SAFB: variants seen among roughly 807,000 people sequenced by gnomAD.
The protein encoded by SAFB is scaffold attachment factor B.
Under a neutral mutation model 101.6 loss-of-function variants are expected in SAFB, and 15 were observed. That is an observed-to-expected ratio of 0.15 (90% confidence interval 0.10 to 0.23). The LOEUF is 0.23. SAFB is among the 10% of genes least tolerant of loss of function. SAFB has a pLI of 1.00. For synonymous variants in SAFB, 449 were observed against 407.5 expected (o/e 1.10, Z -1.23); for missense variants, 930 against 1,104.1 (o/e 0.84, Z 2.23).
chr19:5,653,858 A>G (rs2053994683), intron 11 of SAFB, among the ~76,000 whole-genome samples: 1 of 151,354 alleles, frequency 6.6e-6, no homozygotes, highest in Non-Finnish European at 1.5e-5. Context: ...CCCTGGCTCA[A>G]CCAATTCTCA....
At chr19:5,660,310 C>CT (rs578193077) in intron 14 of SAFB, among the ~76,000 whole-genome samples, 3,681 of 66,422 alleles carry the variant, frequency 0.055, 71 homozygotes, top group East Asian at 0.077. Flanking sequence ...CACTGAGGTG[C>CT]TTTTTTTTTT....
chr19:5,627,871 T>C (rs1277975840), intron 2 of SAFB, among the ~76,000 whole-genome samples: 1 of 152,210 alleles, frequency 6.6e-6, no homozygotes, highest in Non-Finnish European at 1.5e-5. Flanking sequence ...CAAGAGCAGA[T>C]TGATGAGGAC....
At chr19:5,650,876 C>A in intron 8 of SAFB, 102 bp from the exon 9 acceptor site, 3 of 765,282 alleles carry the variant, frequency 3.9e-6, no homozygotes, top group Non-Finnish European at 4.4e-6. Context: ...GCTGCCACTG[C>A]CTCAGGAAAA....
chr19:5,644,288 C>T (rs548429301), intron 4 of SAFB, among the ~76,000 whole-genome samples: 58 of 152,288 alleles, frequency 3.8e-4, no homozygotes, highest in Non-Finnish European at 1.0e-4. Context: ...TGCCTAGCAT[C>T]TAGAAAGCAC....
Position 5,648,012 on chromosome 19 carries a change from G to A in SAFB, c.610-4G>A, listed in dbSNP as rs751300699. ...CACAGTCTTATTTACGTTTTTTCTTGCAGGAAATTGAAGAGCCATCCCTGG... is the reference window on the plus strand; with the variant it reads ...CACAGTCTTATTTACGTTTTTTCTTACAGGAAATTGAAGAGCCATCCCTGG... On this transcript the variant is annotated splice_polypyrimidine_tract_variant and splice_region_variant and intron_variant, in intron 5 of 20. Coordinates refer to ENST00000588852, the MANE Select transcript of SAFB (RefSeq NM_001201338.2). 1.3e-5 allele frequency: 21 copies of A among 1,612,778 alleles called. No individual in the cohort carries two copies. The South Asian group carries it at 2.2e-4, about 17-fold the overall frequency.
chr19:5,649,812 T>C, intron 7 of SAFB, 114 bp from the exon 8 acceptor site: 1 of 980,248 alleles, frequency 1.0e-6, no homozygotes, highest in African/African-American at 1.6e-5. Context: ...CGGGGTATCA[T>C]TTTTTCAGAA....
intron 9 of SAFB, among the ~76,000 whole-genome samples, chr19:5,652,710 G>GCAT (rs2053966316): frequency 6.6e-6 from 1 of 152,120 alleles, no homozygotes; most frequent in African/African-American, 2.4e-5. Context: ...ACCTTTCCTT[G>GCAT]CATCAGTCTG....
chr19:5,641,934 T>A lies in SAFB; in HGVS notation c.534T>A (p.Leu178=). ...AAATGAAAGAGCTTCCGGAGCAGCT[T>A]CAGGAACATGCTGTAGGTAACCGGC... is the stretch of plus-strand genomic sequence containing the variant. ...EGEMKELPEQ[L]QEHAIEDKET... The change falls in exon 4 of 21, where the codon CTT becomes CTA. Residue 178 remains leucine (L), a synonymous_variant. Transcript: ENST00000588852. 1 of 1,614,040 alleles carries A rather than the reference T, an allele frequency of 6.2e-7. No individual in the cohort carries two copies. The highest frequency in any genetic ancestry group is 8.5e-7 in the Non-Finnish European group (1 of 1,179,898).
At chr19:5,623,488 G>C in intron 1 of SAFB, 94 bp downstream of exon 1, 1 of 1,101,200 alleles carries the variant, frequency 9.1e-7, no homozygotes. Flanking sequence ...GCCCCCGGCC[G>C]CGTTCGCGGC....
chr19:5,653,924 A>G (rs1211690828), intron 11 of SAFB, 137 bp from the exon 12 acceptor site: 1 of 685,356 alleles, frequency 1.5e-6, no homozygotes, highest in Non-Finnish European at 2.5e-6. Flanking sequence ...TGGTTTTAGT[A>G]GAGATGGGGT....
rs2054361527 is a variant in SAFB at position 5,667,572 on chromosome 19, T to C, written c.2557+122T>C. 2 of 765,954 alleles carry C rather than the reference T, an allele frequency of 2.6e-6. No individual in the cohort carries two copies. The highest frequency in any genetic ancestry group is 2.7e-5 in the East Asian group (1 of 36,680). The allele number at this position is 765,954 out of a possible 1,614,324, so 47.4% of individuals were successfully genotyped here. The stretch of plus-strand genomic sequence containing the variant: ...CTGCTCTCAGTGCTGGAATGAGGAA[T>C]GAAGAGCACTCCAGACACCGCCTGC... On this transcript the variant is annotated intron_variant, in intron 19 of 20. Transcript: ENST00000588852. The surrounding 1 kb of genome is among the most constrained non-coding windows in gnomAD (Gnocchi z 4.0).
intron 2 of SAFB, among the ~76,000 whole-genome samples, chr19:5,635,348 T>C (rs1439859394): frequency 1.3e-5 from 2 of 152,088 alleles, no homozygotes; most frequent in Non-Finnish European, 2.9e-5. Context: ...CTGTAACTTG[T>C]GTCATTGCTC....
chr19:5,632,604 C>G (rs142105871), intron 2 of SAFB, among the ~76,000 whole-genome samples: 1 of 152,270 alleles, frequency 6.6e-6, no homozygotes, highest in Admixed American at 6.5e-5. Context: ...CCTTAGTTTT[C>G]TTTAATCTTG....
At chr19:5,664,320 A>T in intron 16 of SAFB, 77 bp from the exon 17 acceptor site, 1 of 1,468,080 alleles carries the variant, frequency 6.8e-7, no homozygotes, top group South Asian at 1.1e-5. Context: ...TATGCTTTTC[A>T]TTGGGGGCCT....
intron 9 of SAFB, among the ~76,000 whole-genome samples, chr19:5,652,022 G>T (rs753186944): frequency 1.3e-5 from 2 of 152,056 alleles, no homozygotes; most frequent in African/African-American, 2.4e-5. Flanking sequence ...GGTGAAGCCT[G>T]TCTCTGCTAA....
rs374788475 is a variant in SAFB at position 5,623,102 on chromosome 19, G to A, written c.-104G>A. ...CTGCGCAGAAGCGAGGCGCGCTGGG[G>A]CGACTGGAGCGGTTCCCTCGCAGGC... On this transcript the variant is annotated 5_prime_UTR_variant, in exon 1 of 21. Transcript: ENST00000588852. 2.5e-6 allele frequency: 3 copies of A among 1,199,274 alleles called. No homozygotes were observed. The highest frequency in any genetic ancestry group is 5.1e-5 in the Admixed American group (2 of 39,504). 74.3% of individuals were successfully genotyped at this position (1,199,274 alleles called of 1,614,324 possible).
intron 5 of SAFB, among the ~76,000 whole-genome samples, chr19:5,647,596 C>G (rs1295053171): frequency 6.6e-6 from 1 of 152,164 alleles, no homozygotes; most frequent in African/African-American, 2.4e-5. Context: ...ACCACCTGGG[C>G]CCATATTCCC....
At chr19:5,655,109 C>T (rs947358625) in intron 13 of SAFB, among the ~76,000 whole-genome samples, 6 of 152,146 alleles carry the variant, frequency 3.9e-5, no homozygotes, top group African/African-American at 1.4e-4. Context: ...TCTCGCCAGC[C>T]TCCCTCTAGC....
intron 13 of SAFB, among the ~76,000 whole-genome samples, chr19:5,655,888 G>A (rs2054048292): frequency 6.6e-6 from 1 of 152,166 alleles, no homozygotes; most frequent in Admixed American, 6.5e-5. Context: ...CTTCATTTGG[G>A]AACTCATTGT....
Sources: gnomAD v4.1 joint callset for allele counts (sites outside exome capture counted in the v4.1 genomes callset) on GRCh38, gnomAD v4.1.1 for gene constraint, Gnocchi (gnomAD v3.1) non-coding constraint, MANE v1.5 for transcripts, NCBI Gene and HGNC (gene_info 2026-07-23, HGNC 2026-07-21) for gene names.